STX3: variants seen among roughly 807,000 people sequenced by gnomAD.
The protein encoded by STX3 is syntaxin 3.
In STX3, 19 loss-of-function variants were observed where a neutral mutation model predicts 40.2. The ratio of observed to expected loss-of-function variants is 0.47; its 90% CI spans 0.33 to 0.69. The LOEUF is 0.69. Among genes scored for constraint, STX3 ranks in the 30% least tolerant of loss-of-function variants. The pLI is 0.02. For missense variants in STX3, 364 were observed against 366.7 expected, an observed-to-expected ratio of 0.99 and a Z score of 0.06; for synonymous variants, 122 against 132.2, an observed-to-expected ratio of 0.92 and a Z score of 0.53.
chr11:59,798,010 A>G (rs1048436427), intron 10 of STX3, among the ~76,000 whole-genome samples: 2 of 152,228 alleles, frequency 1.3e-5, no homozygotes, highest in African/African-American at 2.4e-5. Context: ...AGACAAAGAA[A>G]CTCAGTCAAA....
At chr11:59,755,690 G>T in intron 1 of STX3, 55 bp downstream of exon 1, 1 of 1,522,116 alleles carries the variant, frequency 6.6e-7, no homozygotes, top group Non-Finnish European at 8.8e-7. Context: ...TGGGAGAGGG[G>T]CTTCCCTTTG....
At position 59,801,733 on chromosome 11, in the gene STX3, G is replaced by A; in HGVS notation, c.*909G>A. ...CTGGTGTATTCACTCATGTGTTCCA[G>A]ATGTATTCTAATTGTGTATGAAATG... On this transcript the variant is annotated 3_prime_UTR_variant, in exon 11 of 11. Coordinates refer to ENST00000337979, the MANE Select transcript of STX3 (RefSeq NM_004177.5). 1.0e-6 allele frequency: 1 copy of A among 985,668 alleles called. No homozygotes were observed. Among genetic ancestry groups the A allele is most frequent in the Non-Finnish European group, 1.2e-6 (1 of 829,924 alleles). 61.1% of individuals were successfully genotyped at this position (985,668 alleles called of 1,614,324 possible). A position where few individuals can be genotyped will look rare whatever the true frequency, so the allele number is the denominator to read the frequency against.
At chr11:59,791,382 T>C (rs1865148306) in intron 5 of STX3, among the ~76,000 whole-genome samples, 1 of 152,204 alleles carries the variant, frequency 6.6e-6, no homozygotes, top group South Asian at 2.1e-4. Context: ...TTGGATCTGA[T>C]GTTATAACTT....
chr11:59,779,513 C>T lies in STX3; in HGVS notation c.114+6219C>T, dbSNP rs192613751. The stretch of plus-strand genomic sequence containing the variant: ...TTAATTTTGGGAGAGCACATTCAGT[C>T]CATAAGAAGTATGCATTTGTAGTGG... On this transcript the variant is annotated intron_variant, in intron 2 of 10. Coordinates refer to ENST00000337979, the MANE Select transcript of STX3 (RefSeq NM_004177.5). Among the ~76,000 whole-genome samples the T allele has an allele frequency of 1.2e-4, 18 of 152,304 alleles. No homozygotes were observed. The South Asian group carries it at 3.3e-3, about 28-fold the overall frequency.
upstream of STX3, chr11:59,755,244 G>A (rs1862638870): frequency 5.4e-6 from 1 of 184,088 alleles, no homozygotes; most frequent in Non-Finnish European, 1.1e-5. Flanking sequence ...GGTTAGGGAA[G>A]GGGGCTTTGG....
chr11:59,780,805 A>G (rs1388274772), intron 2 of STX3, among the ~76,000 whole-genome samples: 1 of 152,174 alleles, frequency 6.6e-6, no homozygotes, highest in Non-Finnish European at 1.5e-5. Context: ...CAATCCCTTT[A>G]TTATATTACT....
intron 1 of STX3, among the ~76,000 whole-genome samples, chr11:59,771,885 T>A (rs1863670768): frequency 6.6e-6 from 1 of 151,860 alleles, no homozygotes; most frequent in African/African-American, 2.4e-5. Context: ...ATCGGGGAGG[T>A]GGTAGCAGTG....
intron 10 of STX3, among the ~76,000 whole-genome samples, chr11:59,798,034 A>G (rs947390007): frequency 2.0e-5 from 3 of 152,252 alleles, no homozygotes; most frequent in African/African-American, 7.2e-5. Flanking sequence ...AATGTTGAAT[A>G]ACAGGGCCAA....
Position 59,801,019 on chromosome 11 carries a change from T to C in STX3, c.*195T>C. 1.3e-6 allele frequency: 2 copies of C among 1,508,786 alleles called. No individual in the cohort carries two copies. Among genetic ancestry groups the C allele is most frequent in the South Asian group, 1.3e-5 (1 of 79,552 alleles). 93.5% of individuals were successfully genotyped at this position (1,508,786 alleles called of 1,614,324 possible). ...TAGCCCTGGGGGAATGTGATCTACCTGATGCGACCCTGAGTTCTCCCCAGA... is the reference window on the plus strand; with the variant it reads ...TAGCCCTGGGGGAATGTGATCTACCCGATGCGACCCTGAGTTCTCCCCAGA... On this transcript the variant is annotated 3_prime_UTR_variant, in exon 11 of 11. Coordinates refer to ENST00000337979, the MANE Select transcript of STX3 (RefSeq NM_004177.5).
intron 2 of STX3, among the ~76,000 whole-genome samples, chr11:59,775,242 C>G (rs576120419): frequency 6.6e-6 from 1 of 152,372 alleles, no homozygotes; most frequent in East Asian, 1.9e-4. Flanking sequence ...CCACCCTCCT[C>G]ACAGGCGGGT....
At chr11:59,774,205 A>C (rs1029989533) in intron 2 of STX3, among the ~76,000 whole-genome samples, 1 of 152,116 alleles carries the variant, frequency 6.6e-6, no homozygotes, top group African/African-American at 2.4e-5. Context: ...GGATGAAAAC[A>C]CTGGCTTTCG....
At chr11:59,800,447 G>T in intron 10 of STX3, 1 of 985,384 alleles carries the variant, frequency 1.0e-6, no homozygotes, top group Non-Finnish European at 1.2e-6. Flanking sequence ...GCTTTTCATT[G>T]TGTCCTTCTG....
intron 8 of STX3, among the ~76,000 whole-genome samples, chr11:59,794,483 G>C (rs1865402971): frequency 6.6e-6 from 1 of 152,146 alleles, no homozygotes; most frequent in Admixed American, 6.5e-5. Context: ...TTGGTTCCCT[G>C]CCGAGGGCCT....
chr11:59,792,775 A>C (rs1218401208), intron 6 of STX3, among the ~76,000 whole-genome samples: 1 of 151,880 alleles, frequency 6.6e-6, no homozygotes, highest in Non-Finnish European at 1.5e-5. Context: ...GAGTAGCATA[A>C]GGTTAGGATG....
intron 1 of STX3, among the ~76,000 whole-genome samples, chr11:59,769,232 C>T (rs1863430216): frequency 6.6e-6 from 1 of 152,058 alleles, no homozygotes; most frequent in South Asian, 2.1e-4. Flanking sequence ...GCCGATCTTA[C>T]TGACTTAGCC....
At chr11:59,763,804 G>T (rs1420812468) in intron 1 of STX3, among the ~76,000 whole-genome samples, 2 of 152,222 alleles carry the variant, frequency 1.3e-5, no homozygotes, top group Non-Finnish European at 2.9e-5. Context: ...GATCACCTGA[G>T]GTTGGGAGTT....
At position 59,788,959 on chromosome 11, in the gene STX3, A is replaced by G. The variant is rs897637906; in HGVS notation, c.289+12A>G. 6.2e-7 allele frequency: 1 copy of G among 1,602,686 alleles called. No homozygotes were observed. The highest frequency in any genetic ancestry group is 1.3e-5 in the African/African-American group (1 of 74,738). On this transcript the variant is annotated intron_variant, in intron 4 of 10. Transcript: ENST00000337979. The stretch of plus-strand genomic sequence containing the variant: ...GAACAAACTGAAGAGTAAGAAGGGA[A>G]CAAAGAAAACAAGGCCGTCCCCACC...
intron 1 of STX3, among the ~76,000 whole-genome samples, chr11:59,758,666 T>C (rs1004073156): frequency 3.3e-5 from 5 of 152,332 alleles, no homozygotes; most frequent in Non-Finnish European, 7.3e-5. Flanking sequence ...GACAGCCTGC[T>C]TTTTCAGTGA....
At chr11:59,762,046 C>G (rs1024622044) in intron 1 of STX3, among the ~76,000 whole-genome samples, 5 of 152,198 alleles carry the variant, frequency 3.3e-5, no homozygotes, top group African/African-American at 1.2e-4. Context: ...CACTAATGTC[C>G]TCTTTCTGTT....
Sources: allele counts gnomAD v4.1 joint callset (sites outside exome capture counted in the v4.1 genomes callset), GRCh38; gene constraint gnomAD v4.1.1; transcripts MANE v1.5; gene names NCBI Gene and HGNC (gene_info 2026-07-23, HGNC 2026-07-21).